The following TTC14 variants were observed in gnomAD, a reference collection of about 807,000 sequenced individuals.
TTC14 encodes tetratricopeptide repeat protein 14.
A neutral mutation model predicts 79.9 loss-of-function variants in TTC14; 63 were observed. The ratio of observed to expected loss-of-function variants is 0.79; its 90% confidence interval spans 0.64 to 0.97. The LOEUF (loss-of-function observed/expected upper bound fraction) is 0.97. TTC14 is among the 50% of genes least tolerant of loss of function. TTC14 has a pLI of 0.00. For missense variants in TTC14, 895 were observed against 894.0 expected (o/e 1.00, Z -0.01); for synonymous variants, 335 against 309.6 (o/e 1.08, Z -0.86).
chr3:180,609,099 T>C (rs1716849885), intron 11 of TTC14: 2 of 876,506 alleles, frequency 2.3e-6, no homozygotes. Context: ...GCAGTGGTTC[T>C]CAACTAGGGG....
At chr3:180,605,091 AC>A in intron 6 of TTC14, 84 bp downstream of exon 6, 5 of 1,426,066 alleles carry the variant, frequency 3.5e-6, no homozygotes, top group Non-Finnish European at 4.7e-6. Flanking sequence ...GACGTATTTT[AC>A]CATCCTAAGC....
At chr3:180,612,698 C>G (rs965358618), downstream of TTC14, among the ~76,000 whole-genome samples, 1 of 152,212 alleles carries the variant, frequency 6.6e-6, no homozygotes, top group African/African-American at 2.4e-5. Context: ...GATTGTGCCA[C>G]TGCACTCCAA....
rs773184322 is a variant in TTC14, at chr3:180,610,471, C to T, written c.2242C>T (p.Gln748Ter). 4 of 1,605,240 alleles carry T rather than the reference C, an allele frequency of 2.5e-6. No homozygotes were observed. The highest frequency in any genetic ancestry group is 3.4e-6 in the Non-Finnish European group (4 of 1,177,862). Reference protein sequence around the residue: ...SESSVKKNLPQNLLNIFNQIA... With the variant: ...SESSVKKNLP ...AAGCAGTGTTAAGAAAAATTTACCT[C>T]AGAATTTACTGAATATATTTAATCA... Residue 748 changes from glutamine to a stop codon, truncating the protein, a stop_gained, in exon 12 of 12, where the codon CAG (glutamine) becomes TAG (stop). Transcript: ENST00000296015. LOFTEE classifies it high-confidence loss of function.
At chr3:180,604,141 C>T in intron 3 of TTC14, 84 bp from the exon 4 acceptor site, 1 of 1,198,262 alleles carries the variant, frequency 8.3e-7, no homozygotes, top group Non-Finnish European at 1.2e-6. Context: ...CTAGCTGTTT[C>T]ATACCAAACA....
In TTC14 at chr3:180,602,997, A is replaced by C. The variant is rs751138323; in HGVS notation, c.268A>C (p.Ile90Leu). ...ATCAGATGCACCTGCAACTTCTGAA[A>C]TTAATGAAGACAGTGAAGGTCAGTT... ...WKSDAPATSE[I>L]NEDSEDHYAI... Residue 90 changes from isoleucine to leucine, a missense_variant, in exon 2 of 12, where the codon ATT becomes CTT. Ile to Leu is a conservative substitution (Grantham distance 5). Coordinates refer to ENST00000296015, the MANE Select transcript of TTC14 (RefSeq NM_133462.4). 38 of 1,613,622 alleles carry C rather than the reference A, an allele frequency of 2.4e-5. No individual in the cohort carries two copies. In the Admixed American group the frequency reaches 6.3e-4, roughly 27 times the overall value.
rs1186851504 is a variant in TTC14, at chr3:180,604,224, G to C, written c.487-1G>C. On this transcript the variant is annotated splice_acceptor_variant, in intron 3 of 11. Transcript: ENST00000296015. LOFTEE classifies it high-confidence loss of function. ...GTGTTTTAAAATACTTCTCATTACA[G>C]GCTCTTTGTCCCTTAAGAGATGTGC... 6.2e-7 allele frequency: 1 copy of C among 1,611,302 alleles called. No individual in the cohort carries two copies. Among genetic ancestry groups the C allele is most frequent in the Non-Finnish European group, 8.5e-7 (1 of 1,178,452 alleles).
downstream of TTC14, among the ~76,000 whole-genome samples, chr3:180,612,832 A>G (rs1462116973): frequency 6.6e-5 from 10 of 152,350 alleles, 1 homozygote; most frequent in South Asian, 1.9e-3. Context: ...AGAATGGGAC[A>G]AAATGTGCAA....
At position 180,610,796 on chromosome 3, in the gene TTC14, C is replaced by G. The variant is rs991616002; in HGVS notation, c.*254C>G. The G allele has an allele frequency of 2.9e-6, 3 of 1,046,298 alleles. No individual in the cohort carries two copies. In the Admixed American group the frequency reaches 1.5e-4, roughly 53 times the overall value. 64.8% of individuals were successfully genotyped at this position (1,046,298 alleles called of 1,614,324 possible). A position where few individuals can be genotyped will look rare whatever the true frequency, so the allele number is the denominator to read the frequency against. On this transcript the variant is annotated 3_prime_UTR_variant, in exon 12 of 12. Transcript: ENST00000296015. Reference sequence around the variant, plus strand: ...ACTCTTGACAGTTTGAATTTCTTCACCTAAAGATAATTCTCTGAAAGTACT... The same window carrying G: ...ACTCTTGACAGTTTGAATTTCTTCAGCTAAAGATAATTCTCTGAAAGTACT...
downstream of TTC14, chr3:180,613,996 C>T (rs950300606): frequency 2.7e-5 from 10 of 365,364 alleles, no homozygotes; most frequent in Non-Finnish European, 5.3e-5. Flanking sequence ...GAAGGAGACA[C>T]ATGTACATTC....
chr3:180,604,747 C>G (rs1716580662), intron 5 of TTC14, 105 bp from the exon 6 acceptor site: 1 of 1,418,424 alleles, frequency 7.1e-7, no homozygotes. Flanking sequence ...CCATCTTATG[C>G]AAAAAATGGA....
chr3:180,615,677 A>C (rs1055485461), downstream of TTC14, among the ~76,000 whole-genome samples: 2 of 152,168 alleles, frequency 1.3e-5, no homozygotes, highest in Non-Finnish European at 2.9e-5. Flanking sequence ...TTTAATAAGT[A>C]GCTGCTGAAT....
At position 180,605,804 on chromosome 3, in the gene TTC14, GA is replaced by G. The variant is rs1560072646; in HGVS notation, c.903del (p.Lys301AsnfsTer8). ...GAAGATGATTTTGCTTCTGCATTGA[GA>G]AAAAAACAATCCGCATCTTGGGCTT... ...FSEDDFASALRKKQSASWALK... is the reference protein window; with the variant it reads ...FSEDDFASALXKKQSASWALK... On this transcript the variant is annotated frameshift_variant, in exon 7 of 12. Coordinates refer to ENST00000296015, the MANE Select transcript of TTC14 (RefSeq NM_133462.4). LOFTEE classifies it high-confidence loss of function. 1.9e-6 allele frequency: 3 copies of G among 1,570,194 alleles called. No individual in the cohort carries two copies. The highest frequency in any genetic ancestry group is 1.4e-5 in the African/African-American group (1 of 71,114).
intron 3 of TTC14, 140 bp downstream of exon 3, chr3:180,603,463 G>C: frequency 1.3e-6 from 1 of 774,478 alleles, no homozygotes; most frequent in Non-Finnish European, 2.1e-6. Flanking sequence ...GAGAAAAATA[G>C]TTTAAAAAAA....
chr3:180,612,516 C>G (rs905111043), downstream of TTC14, among the ~76,000 whole-genome samples: 7 of 152,114 alleles, frequency 4.6e-5, no homozygotes, highest in Non-Finnish European at 8.8e-5. Context: ...GCCTGTAATC[C>G]CAGCACTTGA....
At chr3:180,608,843 A>T in intron 11 of TTC14, 33 bp downstream of exon 11, 1 of 1,426,394 alleles carries the variant, frequency 7.0e-7, no homozygotes, top group Non-Finnish European at 9.2e-7. Flanking sequence ...TTTAAACTTA[A>T]GGCAACTACT....
In TTC14 at chr3:180,610,312, G is replaced by A; in HGVS notation, c.2083G>A (p.Asp695Asn). 1 of 1,613,348 alleles carries A rather than the reference G, an allele frequency of 6.2e-7. No individual in the cohort carries two copies. Among genetic ancestry groups the A allele is most frequent in the Non-Finnish European group, 8.5e-7 (1 of 1,179,768 alleles). Residue 695 changes from aspartate to asparagine, a missense_variant, in exon 12 of 12, where the codon GAT becomes AAT. By Grantham distance (23) the Asp-to-Asn change is conservative (BLOSUM62 1). Transcript: ENST00000296015. ...YKKYAHSGSRDFSRHEQRYRL... is the reference protein window; with the variant it reads ...YKKYAHSGSRNFSRHEQRYRL... ...AAAATACGCTCACTCTGGATCACGT[G>A]ATTTCAGTAGACATGAGCAAAGATA...
rs1485553285 is a variant in TTC14, at chr3:180,604,292, C to G, written c.554C>G (p.Thr185Ser). The G allele has an allele frequency of 3.1e-6, 5 of 1,613,182 alleles. No individual in the cohort carries two copies. Among genetic ancestry groups the G allele is most frequent in the Non-Finnish European group, 4.2e-6 (5 of 1,179,600 alleles). ...NHGDPLSYYQ[T>S]GDIIRAGIKD... ...GGGGATCCTTTATCATATTACCAAACTGGTGACATCATTCGAGGTGATTAG... is the reference window on the plus strand; with the variant it reads ...GGGGATCCTTTATCATATTACCAAAGTGGTGACATCATTCGAGGTGATTAG... The change falls in exon 4 of 12, where the codon ACT (threonine) becomes AGT (serine). Residue 185 changes from threonine (T) to serine (S), a missense_variant. Coordinates refer to ENST00000296015, the MANE Select transcript of TTC14 (RefSeq NM_133462.4).
chr3:180,602,573 G>C (rs1716425726), intron 1 of TTC14, 151 bp downstream of exon 1: 2 of 1,100,702 alleles, frequency 1.8e-6, no homozygotes, highest in African/African-American at 1.6e-5. Context: ...GGGTGGACGG[G>C]GGGCGCTCCT....
In TTC14 at chr3:180,602,334, C is replaced by G. The variant is rs1283787865; in HGVS notation, c.73C>G (p.Gln25Glu). 2 of 1,613,724 alleles carry G rather than the reference C, an allele frequency of 1.2e-6. No individual in the cohort carries two copies. Among genetic ancestry groups the G allele is most frequent in the East Asian group, 4.5e-5 (2 of 44,872 alleles). ...TTTGCTCTCTCTACTTCGGAGCGAA[C>G]AGCAGGACAATCCACACTTCCGTAG... Reference protein sequence around the residue: ...SSLLSLLRSEQQDNPHFRSLL... With the variant: ...SSLLSLLRSEEQDNPHFRSLL... The change falls in exon 1 of 12, where the codon CAG (glutamine) becomes GAG (glutamate). Residue 25 changes from glutamine to glutamate, a missense_variant. Physicochemically the swap from Gln to Glu is conservative, Grantham distance 29. Coordinates refer to ENST00000296015, the MANE Select transcript of TTC14 (RefSeq NM_133462.4).
Sources: allele counts gnomAD v4.1 joint callset (sites outside exome capture counted in the v4.1 genomes callset), GRCh38; gene constraint gnomAD v4.1.1; transcripts MANE v1.5; gene names NCBI Gene and HGNC (gene_info 2026-07-23, HGNC 2026-07-21).